Variants in NOM1 observed in about 807,000 individuals in gnomAD.
NOM1 encodes the protein nucleolar protein with MIF4G domain 1.
In NOM1, 58 loss-of-function variants were observed where a neutral mutation model predicts 73.3. That is an observed-to-expected ratio of 0.79 (90% CI 0.64 to 0.99). NOM1 has a LOEUF of 0.99. Among genes scored for constraint, NOM1 ranks in the 50% least tolerant of loss-of-function variants. The probability of loss-of-function intolerance (pLI) is 0.00; values close to 1 mark genes in which losing one functional copy is unlikely to be tolerated. For missense variants in NOM1, 1,226 were observed against 1,131.9 expected (o/e 1.08, Z -1.19); for synonymous variants, 487 against 446.8 (o/e 1.09, Z -1.14).
intron 5 of NOM1, among the ~76,000 whole-genome samples, 170 bp downstream of exon 5, chr7:156,962,431 T>C (rs937029759): frequency 5.3e-5 from 8 of 152,168 alleles, no homozygotes; most frequent in African/African-American, 1.7e-4. Flanking sequence ...GCTGTCCCAG[T>C]GGTCTGGGCG....
Position 156,969,091 on chromosome 7 carries a change from T to G in NOM1, c.2303T>G (p.Val768Gly), listed in dbSNP as rs773035278. 4.6e-6 allele frequency: 7 copies of G among 1,526,602 alleles called. No homozygotes were observed. The Admixed American group carries it at 1.2e-4, about 26-fold the overall frequency. The allele number at this position is 1,526,602 out of a possible 1,614,324, so 94.6% of individuals were successfully genotyped here. Residue 768 changes from valine to glycine, a missense_variant, in exon 10 of 11, where the codon GTT becomes GGT. By Grantham distance (109) the Val-to-Gly change is moderately radical. Coordinates refer to ENST00000275820, the MANE Select transcript of NOM1 (RefSeq NM_138400.2). ...TCTCCATGTCCTGACCATTAGGTAGTTGAATTCAGTGAATTGGACAAACCC... is the reference window on the plus strand; with the variant it reads ...TCTCCATGTCCTGACCATTAGGTAGGTGAATTCAGTGAATTGGACAAACCC... ...KSLSLSILKVVEFSELDKPRV... is the reference protein window; with the variant it reads ...KSLSLSILKVGEFSELDKPRV...
intron 5 of NOM1, among the ~76,000 whole-genome samples, chr7:156,962,795 GT>G (rs1473204414): frequency 1.3e-5 from 2 of 152,100 alleles, no homozygotes; most frequent in Non-Finnish European, 1.5e-5. Context: ...CAAACACAGC[GT>G]GTTTGGGGTG....
Position 156,950,075 on chromosome 7 carries a change from G to A in NOM1, c.338G>A (p.Arg113Gln), listed in dbSNP as rs1804539411. 2 of 1,544,788 alleles carry A rather than the reference G, an allele frequency of 1.3e-6. No individual in the cohort carries two copies. The highest frequency in any genetic ancestry group is 1.2e-5 in the South Asian group (1 of 84,414). ...GAACAGGGTCCCGGCCTGGGAGGCC[G>A]AAGCGGAGCCGAAGAAGCCAGCGGT... is the stretch of plus-strand genomic sequence containing the variant. Reference protein sequence around the residue: ...GPEQGPGLGGRSGAEEASGHR... With the variant: ...GPEQGPGLGGQSGAEEASGHR... The change falls in exon 1 of 11, where the codon CGA (arginine) becomes CAA (glutamine). Residue 113 changes from arginine (R) to glutamine (Q), a missense_variant. Transcript: ENST00000275820.
chr7:156,949,861 C>T lies in NOM1; in HGVS notation c.124C>T (p.Leu42=), dbSNP rs1232248777. The stretch of plus-strand genomic sequence containing the variant: ...TCCTGCTGGCGGTGGGGAGAAGGCC[C>T]TGAAGAGGCTGAAGCTAGCGGTGGA... The part of the protein sequence containing the change: ...RGPAGGGEKA[L]KRLKLAVEEF... The change falls in exon 1 of 11, where the codon CTG becomes TTG. Residue 42 remains leucine, a synonymous_variant. Coordinates refer to ENST00000275820, the MANE Select transcript of NOM1 (RefSeq NM_138400.2). The T allele has an allele frequency of 1.3e-6, 2 of 1,508,452 alleles. No homozygotes were observed. Among genetic ancestry groups the T allele is most frequent in the East Asian group, 2.5e-5 (1 of 40,552 alleles). 93.4% of individuals were successfully genotyped at this position (1,508,452 alleles called of 1,614,324 possible).
chr7:156,966,338 A>G lies in NOM1; in HGVS notation c.2102A>G (p.Lys701Arg). ...CTCATGGATTGCTGCCTTCAAGAGA[A>G]AACTTACAATCCCTTCTATGCTTTC... ...HVLMDCCLQE[K>R]TYNPFYAFLA... The change falls in exon 8 of 11, where the codon AAA becomes AGA. Residue 701 changes from lysine (K) to arginine (R), a missense_variant. Transcript: ENST00000275820. The G allele has an allele frequency of 6.2e-7, 1 of 1,614,264 alleles. No individual in the cohort carries two copies. Among genetic ancestry groups the G allele is most frequent in the Non-Finnish European group, 8.5e-7 (1 of 1,180,040 alleles).
At chr7:156,962,045 C>T (rs899125059) in intron 4 of NOM1, 106 bp from the exon 5 acceptor site, 216 of 828,864 alleles carry the variant, frequency 2.6e-4, no homozygotes, top group Non-Finnish European at 2.4e-4. Context: ...TGTATCGTGG[C>T]GGTGGCGGCC....
chr7:156,966,002 G>T (rs1009117506), intron 7 of NOM1, among the ~76,000 whole-genome samples: 2 of 152,178 alleles, frequency 1.3e-5, no homozygotes, highest in Non-Finnish European at 2.9e-5. Flanking sequence ...TGTCAGCCGG[G>T]CACAGCTGTC....
chr7:156,971,295 C>T lies in NOM1; in HGVS notation c.*1592C>T, dbSNP rs540987822. On this transcript the variant is annotated 3_prime_UTR_variant, in exon 11 of 11. Transcript: ENST00000275820. ...ACTCATCTGTCCAGCAGTCACCGTC[C>T]TCTTCAGAGTGGTCACGTTGGGCAG... 5 of 152,358 alleles carry T rather than the reference C, an allele frequency of 3.3e-5. No homozygotes were observed. The South Asian group carries it at 6.2e-4, about 19-fold the overall frequency. 9.4% of individuals were successfully genotyped at this position (152,358 alleles called of 1,614,324 possible).
At chr7:156,968,427 A>G (rs529418399) in intron 9 of NOM1, among the ~76,000 whole-genome samples, 123 of 151,988 alleles carry the variant, frequency 8.1e-4, no homozygotes, top group African/African-American at 2.8e-3. Context: ...AGCGCCTGTG[A>G]TGGTGTTTGG....
Position 156,970,596 on chromosome 7 carries a change from GTT to G in NOM1, c.*895_*896del, listed in dbSNP as rs1053405208. 19 of 151,976 alleles carry G rather than the reference GTT, an allele frequency of 1.3e-4. No homozygotes were observed. Among genetic ancestry groups the G allele is most frequent in the African/African-American group, 4.4e-4 (18 of 41,358 alleles). The allele number at this position is 151,976 out of a possible 1,614,324, so 9.4% of individuals were successfully genotyped here. On this transcript the variant is annotated 3_prime_UTR_variant, in exon 11 of 11. Transcript: ENST00000275820. ...AATTTTTGTATTTTAGTAGAGATGG[GTT>G]TCACCATGTTGGCAAGGCTGGTCTT... is the stretch of plus-strand genomic sequence containing the variant.
chr7:156,959,416 ATTT>A (rs1278676560), intron 3 of NOM1, among the ~76,000 whole-genome samples: 1 of 145,854 alleles, frequency 6.9e-6, no homozygotes, highest in Non-Finnish European at 1.5e-5. Context: ...TTTTTTTTGT[ATTT>A]TTAGTAGAAA....
chr7:156,955,372 GT>G lies in NOM1; in HGVS notation c.1308+1076del, dbSNP rs5888695. 8.5e-3 allele frequency among the ~76,000 whole-genome samples: 1,291 copies of G among 152,330 alleles called. 21 individuals carry two copies. The highest frequency in any genetic ancestry group is 0.029 in the African/African-American group (1,206 of 41,564). On this transcript the variant is annotated intron_variant, in intron 3 of 10. Transcript: ENST00000275820. ...TAAATCCGTCCAACTAAAGGAGATT[GT>G]TGTGAGGTTGGTGAACGAATGGAGG...
intron 3 of NOM1, among the ~76,000 whole-genome samples, chr7:156,955,587 G>A (rs1484326384): frequency 1.3e-5 from 2 of 152,154 alleles, no homozygotes; most frequent in African/African-American, 4.8e-5. Flanking sequence ...ATTACCTGGT[G>A]TACGTTTATA....
In NOM1 at chr7:156,955,931, G is replaced by A. The variant is rs1300719016; in HGVS notation, c.1308+1633G>A. 3.3e-5 allele frequency among the ~76,000 whole-genome samples: 5 copies of A among 152,126 alleles called. No individual in the cohort carries two copies. In the East Asian group the frequency reaches 7.7e-4, roughly 24 times the overall value. ...GCCGGCCGGGCGCGGTGGCTCACTC[G>A]TGTAATCCCAGCACTTTGGGAGGCC... On this transcript the variant is annotated intron_variant, in intron 3 of 10. Coordinates refer to ENST00000275820, the MANE Select transcript of NOM1 (RefSeq NM_138400.2).
intron 9 of NOM1, chr7:156,968,834 C>A: frequency 5.1e-6 from 2 of 388,414 alleles, no homozygotes; most frequent in East Asian, 5.6e-5. Flanking sequence ...CCGGGAATTC[C>A]ACTTACACTG....
intron 7 of NOM1, 127 bp downstream of exon 7, chr7:156,964,153 C>A: frequency 1.1e-6 from 1 of 921,882 alleles, no homozygotes; most frequent in Non-Finnish European, 1.6e-6. Flanking sequence ...GTTCTCATGA[C>A]CATCCGCTCA....
In NOM1 at chr7:156,949,961, G is replaced by A. The variant is rs895501332; in HGVS notation, c.224G>A (p.Arg75His). The A allele has an allele frequency of 4.5e-6, 7 of 1,541,148 alleles. No individual in the cohort carries two copies. The African/African-American group carries it at 8.2e-5, about 18-fold the overall frequency. ...CEGRGAPVSF[R>H]PGGRKSRKEL... ...GGGCGCGGCGCCCCGGTGAGCTTTC[G>A]CCCGGGAGGGAGAAAAAGCCGTAAG... is the stretch of plus-strand genomic sequence containing the variant. Residue 75 changes from arginine to histidine, a missense_variant, in exon 1 of 11, where the codon CGC (arginine) becomes CAC (histidine). Physicochemically the swap from Arg to His is conservative, Grantham distance 29. Transcript: ENST00000275820.
At position 156,968,402 on chromosome 7, in the gene NOM1, G is replaced by C. The variant is rs150329181; in HGVS notation, c.2299-685G>C. On this transcript the variant is annotated intron_variant, in intron 9 of 10. Coordinates refer to ENST00000275820, the MANE Select transcript of NOM1 (RefSeq NM_138400.2). The stretch of plus-strand genomic sequence containing the variant: ...GACCATGCTTTTGTGGTCTCGCCGC[G>C]TCCTCGGGTCCGCAAGCGCCTGTGA... 3.7e-4 allele frequency among the ~76,000 whole-genome samples: 57 copies of C among 152,168 alleles called. No individual in the cohort carries two copies. In the East Asian group the frequency reaches 0.01, roughly 27 times the overall value.
At chr7:156,961,520 G>T (rs997587906) in intron 4 of NOM1, among the ~76,000 whole-genome samples, 1 of 152,122 alleles carries the variant, frequency 6.6e-6, no homozygotes, top group African/African-American at 2.4e-5. Context: ...TAATGGGCTT[G>T]GAGTTTCTCT....
Sources: allele counts gnomAD v4.1 joint callset (sites outside exome capture counted in the v4.1 genomes callset), GRCh38; gene constraint gnomAD v4.1.1; transcripts MANE v1.5; gene names NCBI Gene and HGNC (gene_info 2026-07-23, HGNC 2026-07-21).